UGGT2: variants seen among roughly 807,000 people sequenced by gnomAD.
The protein encoded by UGGT2 is UDP-glucose glycoprotein glucosyltransferase 2.
UGGT2 carries 180 observed loss-of-function variants against 192.1 expected under a neutral mutation model. The ratio of observed to expected loss-of-function variants is 0.94; its 90% CI spans 0.83 to 1.06. The LOEUF (loss-of-function observed/expected upper bound fraction) is 1.06, where lower values mean the gene tolerates loss of function less well. UGGT2 is among the 50% of genes least tolerant of loss of function. The probability of loss-of-function intolerance (pLI) is 0.00; values close to 1 mark genes in which losing one functional copy is unlikely to be tolerated. For synonymous variants in UGGT2, 580 were observed against 591.0 expected, an observed-to-expected ratio of 0.98 and a Z score of 0.27; for missense variants, 1,849 against 1,795.7, an observed-to-expected ratio of 1.03 and a Z score of -0.54.
intron 4 of UGGT2, among the ~76,000 whole-genome samples, chr13:96,018,916 A>C (rs1172650340): frequency 6.6e-6 from 1 of 151,780 alleles, no homozygotes. Flanking sequence ...AAACTAAAGA[A>C]AATCTAGGAA....
intron 38 of UGGT2, among the ~76,000 whole-genome samples, chr13:95,831,648 T>A (rs1886700612): frequency 6.6e-6 from 1 of 152,094 alleles, no homozygotes. Flanking sequence ...ATACAAATTT[T>A]AAGTTTTTAT....
intron 20 of UGGT2, among the ~76,000 whole-genome samples, chr13:95,911,484 G>C (rs1229877169): frequency 3.3e-5 from 5 of 152,158 alleles, no homozygotes. Flanking sequence ...AGAAAATCTA[G>C]AAGAAATGGA....
At chr13:95,806,824 G>T (rs1299667389) in intron 38 of UGGT2, among the ~76,000 whole-genome samples, 1 of 152,110 alleles carries the variant, frequency 6.6e-6, no homozygotes, top group African/African-American at 2.4e-5. Flanking sequence ...GGGACAACTA[G>T]ATAGCCATAT....
chr13:95,824,507 T>C (rs1885816217), intron 38 of UGGT2, among the ~76,000 whole-genome samples: 1 of 152,272 alleles, frequency 6.6e-6, no homozygotes, highest in South Asian at 2.1e-4. Flanking sequence ...TTTTTATCTT[T>C]GTCTTATTGG....
intron 10 of UGGT2, among the ~76,000 whole-genome samples, chr13:95,980,614 C>A (rs1566789371): frequency 6.6e-6 from 1 of 152,136 alleles, no homozygotes; most frequent in African/African-American, 2.4e-5. Flanking sequence ...TTAAAACAAA[C>A]AACTGATCAA....
intron 15 of UGGT2, among the ~76,000 whole-genome samples, chr13:95,941,664 T>G (rs1248616035): frequency 6.6e-6 from 1 of 152,202 alleles, no homozygotes; most frequent in Non-Finnish European, 1.5e-5. Context: ...CTCACATAAG[T>G]TACTCAGACA....
chr13:95,830,147 T>A (rs1280987876), intron 38 of UGGT2, among the ~76,000 whole-genome samples: 2 of 152,194 alleles, frequency 1.3e-5, no homozygotes, highest in African/African-American at 4.8e-5. Flanking sequence ...GATTAAAGAC[T>A]TAAATGTTAG....
intron 33 of UGGT2, 25 bp downstream of exon 33, chr13:95,859,566 T>G: frequency 1.3e-6 from 2 of 1,535,272 alleles, no homozygotes; most frequent in Non-Finnish European, 1.8e-6. Flanking sequence ...CATTAACCAT[T>G]CTACAAAAAA....
Position 95,983,894 on chromosome 13 carries a change from C to G in UGGT2, c.1032-30G>C, listed in dbSNP as rs116525759. On this transcript the variant is annotated intron_variant, in intron 9 of 38. Transcript: ENST00000376747. Reference sequence around the variant, plus strand: ...AAAAATGAATACTAATATAATTGATCCTTCCTTAAATGTTTAGAACTGATC... The same window carrying G: ...AAAAATGAATACTAATATAATTGATGCTTCCTTAAATGTTTAGAACTGATC... The G allele has an allele frequency of 2.3e-3, 3,390 of 1,446,582 alleles. 53 individuals are homozygous for G. The African/African-American group carries it at 0.043, about 18-fold the overall frequency. The allele number at this position is 1,446,582 out of a possible 1,614,324, so 89.6% of individuals were successfully genotyped here.
chr13:95,953,211 A>C (rs1480655342), intron 12 of UGGT2, among the ~76,000 whole-genome samples: 1 of 152,244 alleles, frequency 6.6e-6, no homozygotes, highest in African/African-American at 2.4e-5. Flanking sequence ...AAGCAAAAGG[A>C]GAGTTTTGGT....
At chr13:95,818,719 C>CT (rs1488160487) in intron 38 of UGGT2, among the ~76,000 whole-genome samples, 4 of 152,074 alleles carry the variant, frequency 2.6e-5, no homozygotes, top group Non-Finnish European at 4.4e-5. Flanking sequence ...AGAGAGAAAG[C>CT]TAATCAAGGC....
Position 96,035,581 on chromosome 13 carries a change from G to A in UGGT2, c.159-3610C>T, listed in dbSNP as rs564689134. On this transcript the variant is annotated intron_variant, in intron 1 of 38. Coordinates refer to ENST00000376747, the MANE Select transcript of UGGT2 (RefSeq NM_020121.4). ...ACAAATGAGATCTATTTAAACTAAA[G>A]AGTTTCTGCACAACAAAAACTATCA... 2.6e-5 allele frequency among the ~76,000 whole-genome samples: 4 copies of A among 152,218 alleles called. No individual in the cohort carries two copies. In the South Asian group the frequency reaches 8.3e-4, roughly 32 times the overall value.
chr13:95,812,398 A>C (rs751010714), intron 38 of UGGT2, among the ~76,000 whole-genome samples: 14 of 152,220 alleles, frequency 9.2e-5, no homozygotes, highest in Non-Finnish European at 4.4e-5. Flanking sequence ...GATTGGATAA[A>C]AAGACCCAAC....
chr13:95,894,819 A>G (rs980840521), intron 23 of UGGT2, among the ~76,000 whole-genome samples, 162 bp from the exon 24 acceptor site: 10 of 152,220 alleles, frequency 6.6e-5, no homozygotes, highest in African/African-American at 2.4e-4. Flanking sequence ...TCTCTAAAAC[A>G]GTCACAGCCT....
chr13:95,919,199 T>C (rs1460965051), intron 20 of UGGT2, among the ~76,000 whole-genome samples: 1 of 152,024 alleles, frequency 6.6e-6, no homozygotes, highest in African/African-American at 2.4e-5. Context: ...ATAAACCAGG[T>C]ATTAAAGGAA....
At chr13:95,925,958 T>C (rs1021876554) in intron 19 of UGGT2, among the ~76,000 whole-genome samples, 184 bp from the exon 20 acceptor site, 4 of 152,000 alleles carry the variant, frequency 2.6e-5, no homozygotes, top group Non-Finnish European at 5.9e-5. Flanking sequence ...CAAAAATAAA[T>C]ACATATAAAA....
intron 20 of UGGT2, among the ~76,000 whole-genome samples, chr13:95,906,928 T>C (rs910896859): frequency 6.6e-6 from 1 of 152,004 alleles, no homozygotes; most frequent in African/African-American, 2.4e-5. Flanking sequence ...ATGGGACTGG[T>C]TGGAAAGTGG....
At chr13:95,897,463 A>C (rs998653080) in intron 22 of UGGT2, among the ~76,000 whole-genome samples, 1 of 152,170 alleles carries the variant, frequency 6.6e-6, no homozygotes, top group Non-Finnish European at 1.5e-5. Context: ...AGTGTTTTTA[A>C]GAAACTGTGT....
intron 38 of UGGT2, among the ~76,000 whole-genome samples, chr13:95,808,228 C>T (rs937334751): frequency 2.0e-4 from 31 of 152,276 alleles, no homozygotes; most frequent in South Asian, 8.3e-4. Flanking sequence ...TGTTGTACAA[C>T]CAAAAGACTG....
Sources: allele counts gnomAD v4.1 joint callset (sites outside exome capture counted in the v4.1 genomes callset), GRCh38; gene constraint gnomAD v4.1.1; transcripts MANE v1.5; gene names NCBI Gene and HGNC (gene_info 2026-07-23, HGNC 2026-07-21).